The following SLAMF6 variants were observed in gnomAD, a reference collection of about 807,000 sequenced individuals.
The protein encoded by SLAMF6 is NK-T-B-antigen.
A neutral mutation model predicts 38.3 loss-of-function variants in SLAMF6; 21 were observed. The observed-to-expected ratio is 0.55, with a 90% CI of 0.39 to 0.79. The LOEUF (loss-of-function observed/expected upper bound fraction) is 0.79. Among genes scored for constraint, SLAMF6 ranks in the 30% least tolerant of loss-of-function variants. SLAMF6 has a pLI of 0.00. For synonymous variants in SLAMF6, 152 were observed against 146.3 expected, an observed-to-expected ratio of 1.04 and a Z score of -0.28; for missense variants, 341 against 385.3, an observed-to-expected ratio of 0.89 and a Z score of 0.96.
intron 1 of SLAMF6, among the ~76,000 whole-genome samples, chr1:160,518,296 A>G (rs897807412): frequency 6.6e-6 from 1 of 152,198 alleles, no homozygotes; most frequent in Non-Finnish European, 1.5e-5. Flanking sequence ...AAACTCTTTT[A>G]CACTGTTGGT....
chr1:160,511,828 C>G lies in SLAMF6; in HGVS notation c.49+11316G>C, dbSNP rs187696203. 2.8e-4 allele frequency among the ~76,000 whole-genome samples: 42 copies of G among 152,236 alleles called. No individual in the cohort carries two copies. In the East Asian group the frequency reaches 7.3e-3, roughly 27 times the overall value. On this transcript the variant is annotated intron_variant, in intron 1 of 7. Coordinates refer to ENST00000368057, the MANE Select transcript of SLAMF6 (RefSeq NM_001184714.2). Reference sequence around the variant, plus strand: ...AGGTATCCAGGCTCACTCATTGGGACTGACTAGGTGGTTGGCATGACCCAC... The same window carrying G: ...AGGTATCCAGGCTCACTCATTGGGAGTGACTAGGTGGTTGGCATGACCCAC...
chr1:160,491,544 G>T, intron 2 of SLAMF6, 156 bp from the exon 3 acceptor site: 1 of 616,434 alleles, frequency 1.6e-6, no homozygotes, highest in Non-Finnish European at 2.0e-6. Flanking sequence ...TTGCCTAATT[G>T]ATGGTAGCAA....
At chr1:160,489,566 G>C (rs1043752325) in intron 5 of SLAMF6, among the ~76,000 whole-genome samples, 15 of 152,136 alleles carry the variant, frequency 9.9e-5, no homozygotes, top group Non-Finnish European at 2.2e-4. Context: ...TCTCTACAGC[G>C]GATTTGATTA....
chr1:160,513,559 A>G (rs775740554), intron 1 of SLAMF6, among the ~76,000 whole-genome samples: 11 of 152,176 alleles, frequency 7.2e-5, no homozygotes, highest in Non-Finnish European at 1.5e-4. Context: ...ACACATAATT[A>G]TTAGATTCTT....
chr1:160,498,246 A>G (rs1469324926), intron 1 of SLAMF6, among the ~76,000 whole-genome samples: 1 of 152,100 alleles, frequency 6.6e-6, no homozygotes, highest in African/African-American at 2.4e-5. Flanking sequence ...AATACAAAAA[A>G]GTGTATTAGT....
At chr1:160,522,939 T>C (rs985868732) in intron 1 of SLAMF6, among the ~76,000 whole-genome samples, 1 of 152,166 alleles carries the variant, frequency 6.6e-6, no homozygotes, top group Non-Finnish European at 1.5e-5. Context: ...ACAATTGAAA[T>C]TGTTCACCGA....
intron 1 of SLAMF6, among the ~76,000 whole-genome samples, chr1:160,509,897 A>G (rs559545358): frequency 1.3e-5 from 2 of 152,268 alleles, no homozygotes; most frequent in South Asian, 4.1e-4. Flanking sequence ...CAAATTACTA[A>G]AAGTAGACAT....
At chr1:160,513,894 A>T (rs1654617818) in intron 1 of SLAMF6, among the ~76,000 whole-genome samples, 1 of 152,210 alleles carries the variant, frequency 6.6e-6, no homozygotes, top group South Asian at 2.1e-4. Flanking sequence ...AGCCATTATC[A>T]GCCACTACAA....
rs751194774 is a variant in SLAMF6, at chr1:160,485,110, G to A, written c.*1597C>T. ...CTGTCACCCAGACTGGAATACATTG[G>A]CATGATTTTGGCTCACTGGAACCTC... is the stretch of plus-strand genomic sequence containing the variant. On this transcript the variant is annotated 3_prime_UTR_variant, in exon 8 of 8. Transcript: ENST00000368057. 6.6e-6 allele frequency: 1 copy of A among 151,926 alleles called. No individual in the cohort carries two copies. Among genetic ancestry groups the A allele is most frequent in the Non-Finnish European group, 1.5e-5 (1 of 67,982 alleles). 9.4% of individuals were successfully genotyped at this position (151,926 alleles called of 1,614,324 possible). A position where few individuals can be genotyped will look rare whatever the true frequency, so the allele number is the denominator to read the frequency against.
chr1:160,507,825 T>G (rs1654268700), intron 1 of SLAMF6, among the ~76,000 whole-genome samples: 1 of 152,074 alleles, frequency 6.6e-6, no homozygotes, highest in African/African-American at 2.4e-5. Flanking sequence ...AATTAGGATA[T>G]ATCTTGACAC....
chr1:160,514,279 G>A (rs1190281467), intron 1 of SLAMF6, among the ~76,000 whole-genome samples: 5 of 150,894 alleles, frequency 3.3e-5, no homozygotes, highest in African/African-American at 1.2e-4. Context: ...GAAAGGCATG[G>A]TAAAGGGTTC....
chr1:160,495,143 T>C (rs1235749151), intron 2 of SLAMF6, among the ~76,000 whole-genome samples: 1 of 152,214 alleles, frequency 6.6e-6, no homozygotes, highest in Non-Finnish European at 1.5e-5. Context: ...CAGTGCTTTT[T>C]TGAGTACCAT....
In SLAMF6 at chr1:160,496,469, C is replaced by T. The variant is rs371428958; in HGVS notation, c.50-76G>A. On this transcript the variant is annotated intron_variant, in intron 1 of 7. Transcript: ENST00000368057. Reference sequence around the variant, plus strand: ...CCAAGTCCTGCACCCTTTCACCTAACGCTGCCAGTCTGTTAGAGCTCTCTG... The same window carrying T: ...CCAAGTCCTGCACCCTTTCACCTAATGCTGCCAGTCTGTTAGAGCTCTCTG... 297 of 1,432,754 alleles carry T rather than the reference C, an allele frequency of 2.1e-4. 4 individuals are homozygous for T. In the East Asian group the frequency reaches 3.5e-3, roughly 17 times the overall value. 88.8% of individuals were successfully genotyped at this position (1,432,754 alleles called of 1,614,324 possible).
intron 1 of SLAMF6, among the ~76,000 whole-genome samples, chr1:160,504,041 G>GA (rs11433195): frequency 1 from 137,506 of 137,638 alleles, 68,688 homozygotes; most frequent in Middle Eastern, 1. Context: ...AAAAGCAAAA[G>GA]AAAAAAAGGA....
At chr1:160,497,317 A>G (rs1404137335) in intron 1 of SLAMF6, among the ~76,000 whole-genome samples, 1 of 152,152 alleles carries the variant, frequency 6.6e-6, no homozygotes, top group Non-Finnish European at 1.5e-5. Context: ...CCAAATTCTT[A>G]GCAATTATTA....
At chr1:160,500,684 T>C (rs1220256197) in intron 1 of SLAMF6, among the ~76,000 whole-genome samples, 2 of 152,170 alleles carry the variant, frequency 1.3e-5, no homozygotes, top group African/African-American at 4.8e-5. Flanking sequence ...GACAAAGATT[T>C]TTGTCTGTTT....
rs977938423 is a variant in SLAMF6 at position 160,485,386 on chromosome 1, G to A, written c.*1321C>T. On this transcript the variant is annotated 3_prime_UTR_variant, in exon 8 of 8. Transcript: ENST00000368057. Reference sequence around the variant, plus strand: ...CATTTTAGAAAGAGTGGTCTGGGAAGGTTTCTCTTAGGAGGTGACATATTT... The same window carrying A: ...CATTTTAGAAAGAGTGGTCTGGGAAAGTTTCTCTTAGGAGGTGACATATTT... 1 of 152,156 alleles carries A rather than the reference G, an allele frequency of 6.6e-6. No individual in the cohort carries two copies. Among genetic ancestry groups the A allele is most frequent in the Non-Finnish European group, 1.5e-5 (1 of 68,040 alleles). 9.4% of individuals were successfully genotyped at this position (152,156 alleles called of 1,614,324 possible).
intron 1 of SLAMF6, among the ~76,000 whole-genome samples, chr1:160,507,894 G>C (rs1654271231): frequency 6.6e-6 from 1 of 152,062 alleles, no homozygotes. Context: ...GTAGTGCTCA[G>C]AGGGATATTT....
At chr1:160,511,862 A>G (rs1479672561) in intron 1 of SLAMF6, among the ~76,000 whole-genome samples, 2 of 152,134 alleles carry the variant, frequency 1.3e-5, no homozygotes, top group African/African-American at 4.8e-5. Context: ...ACAGGGAGTG[A>G]GGAAAACAGG....
Sources: allele counts gnomAD v4.1 joint callset (sites outside exome capture counted in the v4.1 genomes callset), GRCh38; gene constraint gnomAD v4.1.1; transcripts MANE v1.5; gene names NCBI Gene and HGNC (gene_info 2026-07-23, HGNC 2026-07-21).